The following PHTF2 variants were observed in gnomAD, a reference collection of about 807,000 sequenced individuals.
The protein encoded by PHTF2 is putative homeodomain transcription factor 2.
A neutral mutation model predicts 101.2 loss-of-function variants in PHTF2; 60 were observed. The ratio of observed to expected loss-of-function variants is 0.59; its 90% CI spans 0.48 to 0.73. The LOEUF (loss-of-function observed/expected upper bound fraction) is 0.73, where lower values mean the gene tolerates loss of function less well. PHTF2 is among the 30% of genes least tolerant of loss of function. The pLI is 0.00. For synonymous variants in PHTF2, 311 were observed against 307.3 expected (o/e 1.01, Z -0.13); for missense variants, 747 against 908.7 (o/e 0.82, Z 2.29).
chr7:77,821,868 T>C (rs182169076), intron 1 of PHTF2, among the ~76,000 whole-genome samples: 2 of 152,316 alleles, frequency 1.3e-5, no homozygotes, highest in East Asian at 3.9e-4. Context: ...CATGGGCTCA[T>C]GGCTGCTTGG....
chr7:77,882,765 T>C (rs1799523639), intron 3 of PHTF2, among the ~76,000 whole-genome samples: 1 of 152,146 alleles, frequency 6.6e-6, no homozygotes, highest in Non-Finnish European at 1.5e-5. Context: ...TTGTTATGCA[T>C]TTGAAAGAGT....
intron 3 of PHTF2, among the ~76,000 whole-genome samples, chr7:77,864,364 A>C (rs1017489193): frequency 2.0e-5 from 3 of 152,208 alleles, no homozygotes; most frequent in Admixed American, 1.3e-4. Context: ...ATTTATCTTA[A>C]ACAAAAATTT....
At chr7:77,806,186 C>G (rs533472346) in intron 1 of PHTF2, among the ~76,000 whole-genome samples, 1 of 150,550 alleles carries the variant, frequency 6.6e-6, no homozygotes, top group East Asian at 1.9e-4. Flanking sequence ...AAAGTCAAGT[C>G]AAGTTGGTTG....
At chr7:77,817,402 G>A (rs1584380602) in intron 1 of PHTF2, among the ~76,000 whole-genome samples, 1 of 152,204 alleles carries the variant, frequency 6.6e-6, no homozygotes, top group African/African-American at 2.4e-5. Flanking sequence ...TTGACTCACA[G>A]TTGAGCATGG....
At chr7:77,953,631 C>A in intron 18 of PHTF2, 138 bp from the exon 18 acceptor site, 1 of 602,808 alleles carries the variant, frequency 1.7e-6, no homozygotes. Flanking sequence ...TCAAGTTTAA[C>A]CAAGTTTATC....
At chr7:77,937,741 C>T in exon 13 of PHTF2, 2 of 1,470,132 alleles carry the variant, frequency 1.4e-6, no homozygotes, top group Non-Finnish European at 1.8e-6. Flanking sequence ...AGTTCCCACC[C>T]AGGATTAGAA....
At chr7:77,831,081 T>C (rs1326536778) in intron 1 of PHTF2, among the ~76,000 whole-genome samples, 1 of 152,198 alleles carries the variant, frequency 6.6e-6, no homozygotes. Flanking sequence ...AAATTATGGG[T>C]TCATTGCAAC....
At chr7:77,924,156 C>T in intron 11 of PHTF2, 1 of 951,072 alleles carries the variant, frequency 1.1e-6, no homozygotes, top group Non-Finnish European at 1.3e-6. Flanking sequence ...AATAAAGCCT[C>T]CTTTGAATAA....
chr7:77,911,789 T>A (rs1449321135), intron 9 of PHTF2, among the ~76,000 whole-genome samples: 1 of 152,158 alleles, frequency 6.6e-6, no homozygotes, highest in Non-Finnish European at 1.5e-5. Context: ...CCAGGGACAA[T>A]ATGTTTTGTT....
chr7:77,947,249 A>AT (rs1227259315), intron 16 of PHTF2, among the ~76,000 whole-genome samples: 1 of 152,226 alleles, frequency 6.6e-6, no homozygotes, highest in African/African-American at 2.4e-5. Context: ...ATAAAACTTT[A>AT]TTGAAAATTT....
chr7:77,915,809 G>A (rs1802860078), intron 9 of PHTF2, among the ~76,000 whole-genome samples: 1 of 152,104 alleles, frequency 6.6e-6, no homozygotes, highest in South Asian at 2.1e-4. Context: ...ATAAATAAAA[G>A]CGTGTATAGA....
intron 5 of PHTF2, among the ~76,000 whole-genome samples, chr7:77,899,766 A>AGGATTTACT (rs1801214522): frequency 6.6e-6 from 1 of 152,240 alleles, no homozygotes; most frequent in Admixed American, 6.5e-5. Flanking sequence ...GACCAAAGAC[A>AGGATTTACT]GGATTTACTG....
At chr7:77,911,995 A>G (rs1802441712) in intron 9 of PHTF2, among the ~76,000 whole-genome samples, 1 of 152,192 alleles carries the variant, frequency 6.6e-6, no homozygotes, top group African/African-American at 2.4e-5. Context: ...TAATGGATAT[A>G]TTTCACTTTT....
At chr7:77,921,407 TAGAG>T (rs971446515) in intron 10 of PHTF2, among the ~76,000 whole-genome samples, 5 of 152,324 alleles carry the variant, frequency 3.3e-5, no homozygotes, top group African/African-American at 7.2e-5. Flanking sequence ...AGTAAAAAAA[TAGAG>T]AGAGAGTCAA....
chr7:77,923,792 A>C (rs760894284), intron 11 of PHTF2: 19 of 985,210 alleles, frequency 1.9e-5, no homozygotes, highest in Non-Finnish European at 2.3e-5. Context: ...TCCCAGAATA[A>C]ATTATTTAGC....
At chr7:77,910,018 C>T (rs961514054) in intron 8 of PHTF2, 15 of 378,382 alleles carry the variant, frequency 4.0e-5, no homozygotes, top group Middle Eastern at 7.2e-4. Context: ...ATCTTCTGTC[C>T]ACTGACCTGC....
At chr7:77,921,041 T>G (rs1803413753) in intron 10 of PHTF2, among the ~76,000 whole-genome samples, 1 of 152,212 alleles carries the variant, frequency 6.6e-6, no homozygotes, top group Non-Finnish European at 1.5e-5. Context: ...GCCTTACTTT[T>G]TCTTTCCCTA....
chr7:77,918,280 A>G (rs1381322673), intron 9 of PHTF2, among the ~76,000 whole-genome samples: 2 of 151,860 alleles, frequency 1.3e-5, no homozygotes, highest in Non-Finnish European at 2.9e-5. Flanking sequence ...TTCAGCCACT[A>G]TTTCTACTTT....
chr7:77,914,381 A>G (rs1281291860), intron 9 of PHTF2, among the ~76,000 whole-genome samples: 1 of 152,238 alleles, frequency 6.6e-6, no homozygotes, highest in Non-Finnish European at 1.5e-5. Flanking sequence ...TGATAAGGTC[A>G]TAGAAACTAA....
Sources: gnomAD v4.1 joint callset for allele counts (sites outside exome capture counted in the v4.1 genomes callset) on GRCh38, gnomAD v4.1.1 for gene constraint, MANE v1.5 for transcripts, NCBI Gene and HGNC (gene_info 2026-07-23, HGNC 2026-07-21) for gene names.